Variants in CALM2 observed in about 807,000 individuals in gnomAD.
CALM2 encodes calmodulin 2.
A neutral mutation model predicts 19.8 loss-of-function variants in CALM2; 2 were observed. The ratio of observed to expected loss-of-function variants is 0.10; its 90% CI spans 0.04 to 0.32. The LOEUF is 0.32. Ranked by LOEUF, CALM2 falls within the 10% of genes least tolerant of loss-of-function variation. The pLI, the probability that CALM2 is intolerant of heterozygous loss-of-function variation, is 1.00. For missense variants in CALM2, 38 were observed against 178.7 expected, an observed-to-expected ratio of 0.21 and a Z score of 4.49; for synonymous variants, 51 against 52.1, an observed-to-expected ratio of 0.98 and a Z score of 0.09.
At chr2:47,176,684 A>G, upstream of CALM2, 1 of 1,422,282 alleles carries the variant, frequency 7.0e-7, no homozygotes, top group Non-Finnish European at 9.2e-7. Context: ...GAGATCAAGG[A>G]AAGTGGGCGA....
chr2:47,173,737 C>T (rs1043382394), intron 1 of CALM2: 2 of 152,200 alleles, frequency 1.3e-5, no homozygotes, highest in Non-Finnish European at 2.9e-5. Context: ...TCTGTTCATT[C>T]CCATCAGGTG....
chr2:47,161,512 T>G (rs549847269), intron 5 of CALM2, among the ~76,000 whole-genome samples: 1 of 152,320 alleles, frequency 6.6e-6, no homozygotes, highest in South Asian at 2.1e-4. Flanking sequence ...TAGAACCTGA[T>G]AGTAAATATT....
chr2:47,169,723 T>TC (rs1217242718), intron 2 of CALM2, among the ~76,000 whole-genome samples: 1 of 152,148 alleles, frequency 6.6e-6, no homozygotes, highest in African/African-American at 2.4e-5. Flanking sequence ...AATTCTGGTA[T>TC]CCCCCAAACT....
At chr2:47,169,206 A>G (rs1243785595) in intron 2 of CALM2, among the ~76,000 whole-genome samples, 1 of 152,248 alleles carries the variant, frequency 6.6e-6, no homozygotes, top group East Asian at 1.9e-4. Flanking sequence ...CTGACTGGGA[A>G]TATTAAGAAA....
At chr2:47,164,466 G>A (rs1434429437) in intron 2 of CALM2, among the ~76,000 whole-genome samples, 4 of 151,558 alleles carry the variant, frequency 2.6e-5, no homozygotes, top group African/African-American at 7.3e-5. Flanking sequence ...GTGTGGCGGC[G>A]TGCGCCTGTA....
At chr2:47,164,926 G>A (rs920077542) in intron 2 of CALM2, among the ~76,000 whole-genome samples, 1 of 152,092 alleles carries the variant, frequency 6.6e-6, no homozygotes, top group Admixed American at 6.5e-5. Context: ...CCTCTTCCCT[G>A]GACTCAACTA....
At chr2:47,176,837 G>A (rs1393771555), upstream of CALM2, 1 of 985,292 alleles carries the variant, frequency 1.0e-6, no homozygotes, top group Non-Finnish European at 1.2e-6. Context: ...CCTCTGATTG[G>A]CTGGTTTGTA....
chr2:47,176,364 G>C (rs953398534), intron 1 of CALM2, 77 bp downstream of exon 1: 2 of 1,566,128 alleles, frequency 1.3e-6, no homozygotes, highest in African/African-American at 1.4e-5. Context: ...AGGGAGGCGA[G>C]TTTCCTTTGT....
chr2:47,176,000 G>A (rs1433148198), intron 1 of CALM2, among the ~76,000 whole-genome samples: 3 of 152,076 alleles, frequency 2.0e-5, no homozygotes, highest in Admixed American at 6.5e-5. Context: ...GGCCGCAAGC[G>A]GACAAAGGCG....
At chr2:47,176,061 T>C (rs1573235232) in intron 1 of CALM2, among the ~76,000 whole-genome samples, 1 of 152,122 alleles carries the variant, frequency 6.6e-6, no homozygotes, top group Non-Finnish European at 1.5e-5. Context: ...ATTCGCCCCC[T>C]GCTTGACCTT....
upstream of CALM2, chr2:47,176,642 C>T (rs1433022976): frequency 3.4e-6 from 5 of 1,484,982 alleles, no homozygotes; most frequent in Admixed American, 8.6e-5. Context: ...CTCGGGACCC[C>T]TTTCTTCACA....
Position 47,160,824 on chromosome 2 carries a change from CAA to C in CALM2, c.422-22_422-21del. ...CAAACTCTGAAAAAGAAGAAGTACA[CAA>C]AAAATGAGTCAATAGCAAAAGACCA... On this transcript the variant is annotated intron_variant, in intron 5 of 5. Transcript: ENST00000272298. 1 of 632,966 alleles carries C rather than the reference CAA, an allele frequency of 1.6e-6. No homozygotes were observed. The highest frequency in any genetic ancestry group is 4.3e-5 in the East Asian group (1 of 23,484). The allele number at this position is 632,966 out of a possible 1,614,324, so 39.2% of individuals were successfully genotyped here. A position where few individuals can be genotyped will look rare whatever the true frequency, so the allele number is the denominator to read the frequency against.
At chr2:47,173,831 G>A (rs1166526032) in intron 1 of CALM2, 2 of 152,160 alleles carry the variant, frequency 1.3e-5, no homozygotes, top group Non-Finnish European at 2.9e-5. Flanking sequence ...TGTATCAAAA[G>A]CAATCTAAAT....
intron 1 of CALM2, 127 bp from the exon 2 acceptor site, chr2:47,170,891 C>G: frequency 2.6e-6 from 2 of 774,286 alleles, no homozygotes; most frequent in Non-Finnish European, 4.7e-6. Flanking sequence ...ACAAACACAT[C>G]TGGATAGAAA....
chr2:47,175,083 T>TTTTTTTG lies in CALM2; in HGVS notation c.3+1357_3+1358insCAAAAAA, dbSNP rs1445022553. On this transcript the variant is annotated intron_variant, in intron 1 of 5. Coordinates refer to ENST00000272298, the MANE Select transcript of CALM2 (RefSeq NM_001743.6). Reference sequence around the variant, plus strand: ...ACAGATCACCGCCCTCATTAGGTGTTTTTTTTTTTTTTTTTCAGGAAAGAA... The same window carrying TTTTTTTG: ...ACAGATCACCGCCCTCATTAGGTGTTTTTTTTGTTTTTTTTTTTTTTTCAGGAAAGAA... Among the ~76,000 whole-genome samples, 15 of 118,596 alleles carry TTTTTTTG rather than the reference T, an allele frequency of 1.3e-4. 2 individuals carry two copies. Among genetic ancestry groups the TTTTTTTG allele is most frequent in the Admixed American group, 2.4e-4 (3 of 12,316 alleles). The allele number at this position is 118,596 out of a possible 152,430, so 77.8% of individuals were successfully genotyped here. A position where few individuals can be genotyped will look rare whatever the true frequency, so the allele number is the denominator to read the frequency against.
chr2:47,176,538 T>C, upstream of CALM2: 3 of 1,576,074 alleles, frequency 1.9e-6, no homozygotes, highest in South Asian at 2.3e-5. Flanking sequence ...CCCCAGCGCC[T>C]CATAAACACC....
At chr2:47,171,659 C>T (rs1432370633) in intron 1 of CALM2, 1 of 152,088 alleles carries the variant, frequency 6.6e-6, no homozygotes, top group African/African-American at 2.4e-5. Flanking sequence ...TCTTTCACTG[C>T]TTATTAGTAT....
chr2:47,166,757 TG>T (rs1235960582), intron 2 of CALM2, among the ~76,000 whole-genome samples: 2 of 152,186 alleles, frequency 1.3e-5, no homozygotes, highest in East Asian at 3.8e-4. Flanking sequence ...AATTCTAAAC[TG>T]TAACTCCCAG....
intron 2 of CALM2, 149 bp from the exon 3 acceptor site, chr2:47,162,811 C>CCA: frequency 1.7e-6 from 1 of 591,368 alleles, no homozygotes; most frequent in South Asian, 3.2e-5. Flanking sequence ...CTGTAAGACC[C>CCA]CACGTCTCAG....
Sources: allele counts gnomAD v4.1 joint callset (sites outside exome capture counted in the v4.1 genomes callset), GRCh38; gene constraint gnomAD v4.1.1; transcripts MANE v1.5; gene names NCBI Gene and HGNC (gene_info 2026-07-23, HGNC 2026-07-21).